Variants in GPAT3 observed in about 807,000 individuals in gnomAD.
GPAT3 encodes 1-AGP acyltransferase 9.
A neutral mutation model predicts 58.8 loss-of-function variants in GPAT3; 53 were observed. The ratio of observed to expected loss-of-function variants is 0.90; its 90% confidence interval spans 0.72 to 1.13. The LOEUF (loss-of-function observed/expected upper bound fraction) is 1.13. Among genes scored for constraint, GPAT3 ranks in the 50% most tolerant of loss-of-function variants. The pLI is 0.00. For synonymous variants in GPAT3, 197 were observed against 187.4 expected (o/e 1.05, Z -0.42); for missense variants, 511 against 527.6 (o/e 0.97, Z 0.31).
intron 2 of GPAT3, among the ~76,000 whole-genome samples, chr4:83,561,691 T>G (rs1284072378): frequency 6.6e-6 from 1 of 151,958 alleles, no homozygotes; most frequent in African/African-American, 2.4e-5. Context: ...AGCCCAACTG[T>G]GCTAATCGAT....
In GPAT3 at chr4:83,536,432, G is replaced by C; in HGVS notation, c.-191G>C. The C allele has an allele frequency of 7.2e-7, 1 of 1,386,916 alleles. No homozygotes were observed. The highest frequency in any genetic ancestry group is 9.3e-7 in the Non-Finnish European group (1 of 1,073,156). 85.9% of individuals were successfully genotyped at this position (1,386,916 alleles called of 1,614,324 possible). On this transcript the variant is annotated 5_prime_UTR_variant, in exon 1 of 12. Transcript: ENST00000264409. Reference sequence around the variant, plus strand: ...AAGAGTTAACTGGCAGGGGCGAGGAGGAGCCCAGGGAGGAAGGAAGGATAT... The same window carrying C: ...AAGAGTTAACTGGCAGGGGCGAGGACGAGCCCAGGGAGGAAGGAAGGATAT...
intron 2 of GPAT3, among the ~76,000 whole-genome samples, chr4:83,548,859 G>A (rs1213624208): frequency 6.6e-6 from 1 of 152,134 alleles, no homozygotes; most frequent in African/African-American, 2.4e-5. Context: ...AGGTACTAAG[G>A]TGAAATTTCG....
In GPAT3 at chr4:83,594,788, A is replaced by T; in HGVS notation, c.739-57A>T. 5 of 1,461,428 alleles carry T rather than the reference A, an allele frequency of 3.4e-6. 1 individual carries two copies. The highest frequency in any genetic ancestry group is 1.8e-4 in the Middle Eastern group (1 of 5,672). The allele number at this position is 1,461,428 out of a possible 1,614,324, so 90.5% of individuals were successfully genotyped here. A position where few individuals can be genotyped will look rare whatever the true frequency, so the allele number is the denominator to read the frequency against. ...ATAGAAATTTGTTGGTACTTAAAAA[A>T]CTTTCTTTGCACAACGGTGCCTTTT... On this transcript the variant is annotated intron_variant, in intron 6 of 11. Coordinates refer to ENST00000264409, the MANE Select transcript of GPAT3 (RefSeq NM_032717.5).
Position 83,536,591 on chromosome 4 carries a change from T to G in GPAT3, c.-32T>G, listed in dbSNP as rs765893521. The G allele has an allele frequency of 3.1e-6, 5 of 1,605,058 alleles. No homozygotes were observed. The Admixed American group carries it at 8.4e-5, about 27-fold the overall frequency. On this transcript the variant is annotated 5_prime_UTR_variant, in exon 1 of 12. Transcript: ENST00000264409. ...ACTGCTGTGGCGCTCGGCCCTCCAC[T>G]GCGGACCTCTCCTGAGTGGGTGCGC...
At position 83,587,277 on chromosome 4, in the gene GPAT3, A is replaced by G; in HGVS notation, c.502A>G (p.Ile168Val). 1.2e-6 allele frequency: 2 copies of G among 1,613,742 alleles called. No individual in the cohort carries two copies. The highest frequency in any genetic ancestry group is 8.5e-7 in the Non-Finnish European group (1 of 1,179,906). Residue 168 changes from isoleucine (I) to valine (V), a missense_variant, in exon 4 of 12, where the codon ATC becomes GTC. Transcript: ENST00000264409. ...CAGGGTTACCTTGGCTTTCATTGGG[A>G]TCAGTTTGCTGGTTATAGGAACTAC... Reference protein sequence around the residue: ...PLRVTLAFIGISLLVIGTTLV... With the variant: ...PLRVTLAFIGVSLLVIGTTLV...
chr4:83,549,792 G>A (rs1379347592), intron 2 of GPAT3, among the ~76,000 whole-genome samples: 3 of 151,076 alleles, frequency 2.0e-5, no homozygotes, highest in East Asian at 1.9e-4. Flanking sequence ...GTGTGATTTC[G>A]GCTCACTGAA....
intron 2 of GPAT3, among the ~76,000 whole-genome samples, chr4:83,561,878 T>C (rs1725139522): frequency 1.3e-5 from 2 of 151,878 alleles, no homozygotes; most frequent in Non-Finnish European, 2.9e-5. Flanking sequence ...GCATCTATCA[T>C]GTTCTTTAGT....
At chr4:83,562,214 T>TATATATAATATATATATA (rs1553944918) in intron 2 of GPAT3, among the ~76,000 whole-genome samples, 1 of 77,122 alleles carries the variant, frequency 1.3e-5, no homozygotes, top group Non-Finnish European at 2.4e-5. Context: ...ATATATATTA[T>TATATATAATATATATATA]ATATATATAT....
At chr4:83,598,750 A>C (rs780232119) in intron 11 of GPAT3, 27 bp downstream of exon 11, 21 of 256,716 alleles carry the variant, frequency 8.2e-5, no homozygotes, top group South Asian at 1.7e-4. Context: ...AAGTACTATC[A>C]CTTTTTTTTT....
At chr4:83,561,889 A>G (rs1347503671) in intron 2 of GPAT3, among the ~76,000 whole-genome samples, 4 of 150,540 alleles carry the variant, frequency 2.7e-5, no homozygotes, top group South Asian at 2.1e-4. Flanking sequence ...GTTCTTTAGT[A>G]CAAGCCTGAT....
Position 83,598,636 on chromosome 4 carries a change from TA to T in GPAT3, c.1126-5del. On this transcript the variant is annotated splice_region_variant and splice_polypyrimidine_tract_variant and intron_variant, in intron 10 of 11. Transcript: ENST00000264409. ...ATATTCTTGCAATTTTTTTTTTTTT[TA>T]AACCAGGAAGGAGAAGATGCAGTCC... 1 of 1,590,942 alleles carries T rather than the reference TA, an allele frequency of 6.3e-7. No homozygotes were observed. Among genetic ancestry groups the T allele is most frequent in the Admixed American group, 1.8e-5 (1 of 56,368 alleles).
At chr4:83,568,503 G>A (rs995394863) in intron 2 of GPAT3, among the ~76,000 whole-genome samples, 4 of 148,638 alleles carry the variant, frequency 2.7e-5, no homozygotes, top group African/African-American at 9.9e-5. Context: ...CTTTTCATTT[G>A]TATTCACTTT....
At chr4:83,555,594 T>C (rs1190893510) in intron 2 of GPAT3, among the ~76,000 whole-genome samples, 3 of 152,250 alleles carry the variant, frequency 2.0e-5, no homozygotes, top group Non-Finnish European at 4.4e-5. Flanking sequence ...TGTTCATTTG[T>C]GTGCTTTAAA....
chr4:83,549,594 G>T (rs1724675354), intron 2 of GPAT3, among the ~76,000 whole-genome samples: 1 of 150,086 alleles, frequency 6.7e-6, no homozygotes, highest in South Asian at 2.1e-4. Flanking sequence ...GTGCAGTGGG[G>T]CAATCTTGGC....
At chr4:83,551,773 CAG>C (rs2110076313) in intron 2 of GPAT3, among the ~76,000 whole-genome samples, 1 of 114,736 alleles carries the variant, frequency 8.7e-6, no homozygotes, top group East Asian at 2.5e-4. Flanking sequence ...GCCTGGGAGA[CAG>C]AGTGAGACTC....
chr4:83,580,464 C>G (rs1450998720), intron 2 of GPAT3, among the ~76,000 whole-genome samples: 1 of 152,096 alleles, frequency 6.6e-6, no homozygotes, highest in African/African-American at 2.4e-5. Flanking sequence ...CTACATTTGC[C>G]TACATTTCTA....
At chr4:83,547,527 C>G (rs1175688821) in intron 2 of GPAT3, among the ~76,000 whole-genome samples, 1 of 152,014 alleles carries the variant, frequency 6.6e-6, no homozygotes, top group Non-Finnish European at 1.5e-5. Context: ...GCTGGGATTA[C>G]AGGCGTGAGC....
intron 6 of GPAT3, among the ~76,000 whole-genome samples, chr4:83,593,080 T>C (rs1366638435): frequency 6.6e-6 from 1 of 151,254 alleles, no homozygotes; most frequent in Admixed American, 6.6e-5. Flanking sequence ...TTGGCCAGGC[T>C]GGTCTCAAAC....
At chr4:83,595,027 C>T (rs1726765288) in intron 7 of GPAT3, 67 bp downstream of exon 7, 2 of 1,368,858 alleles carry the variant, frequency 1.5e-6, no homozygotes, top group Non-Finnish European at 2.1e-6. Flanking sequence ...GGCCTTGCTA[C>T]CAAAGAGGGC....
Sources: allele counts gnomAD v4.1 joint callset (sites outside exome capture counted in the v4.1 genomes callset), GRCh38; gene constraint gnomAD v4.1.1; transcripts MANE v1.5; gene names NCBI Gene and HGNC (gene_info 2026-07-23, HGNC 2026-07-21).